SDR42E2: variants seen among roughly 807,000 people sequenced by gnomAD.
The protein encoded by SDR42E2 is short chain dehydrogenase/reductase family 42E, member 2.
In SDR42E2, 20 loss-of-function variants were observed where a neutral mutation model predicts 10.5. That is an observed-to-expected ratio of 1.90 (90% CI 1.34 to 2.77). The LOEUF (loss-of-function observed/expected upper bound fraction) is 2.77, where lower values mean the gene tolerates loss of function less well. Among genes scored for constraint, SDR42E2 ranks in the 30% most tolerant of loss-of-function variants. The pLI is 0.00. For synonymous variants in SDR42E2, 72 were observed against 39.2 expected, an observed-to-expected ratio of 1.84 and a Z score of -3.12; for missense variants, 162 against 104.2, an observed-to-expected ratio of 1.55 and a Z score of -2.42.
chr16:22,164,644 C>T lies in SDR42E2; in HGVS notation c.-36-903C>T, dbSNP rs74400249. On this transcript the variant is annotated intron_variant, in intron 1 of 12. Transcript: ENST00000602312. ...AAGCCTGCAGAGGGATTGGGCAGAACGTGTGGTACCAGCCACCCACACTAC... is the reference window on the plus strand; with the variant it reads ...AAGCCTGCAGAGGGATTGGGCAGAATGTGTGGTACCAGCCACCCACACTAC... Among the ~76,000 whole-genome samples, 1,461 of 152,288 alleles carry T rather than the reference C, an allele frequency of 9.6e-3. 24 individuals carry two copies. Among genetic ancestry groups the T allele is most frequent in the African/African-American group, 0.034 (1,401 of 41,552 alleles).
intron 4 of SDR42E2, among the ~76,000 whole-genome samples, chr16:22,169,078 T>G (rs1453020273): frequency 6.6e-6 from 1 of 152,048 alleles, no homozygotes; most frequent in African/African-American, 2.4e-5. Flanking sequence ...ACCTTACAGA[T>G]AGGGAAACTG....
intron 11 of SDR42E2, among the ~76,000 whole-genome samples, chr16:22,184,962 A>G (rs1421590143): frequency 6.6e-6 from 1 of 152,084 alleles, no homozygotes; most frequent in Non-Finnish European, 1.5e-5. Context: ...GGGAGGTCTC[A>G]TGCCAGTCAG....
chr16:22,179,886 G>C (rs561189308), intron 8 of SDR42E2, among the ~76,000 whole-genome samples: 1 of 151,996 alleles, frequency 6.6e-6, no homozygotes, highest in Non-Finnish European at 1.5e-5. Context: ...GAGGGAATTG[G>C]GCTTGTCAGG....
chr16:22,175,010 G>A (rs570746298), intron 7 of SDR42E2, among the ~76,000 whole-genome samples: 4 of 152,202 alleles, frequency 2.6e-5, no homozygotes, highest in Admixed American at 2.0e-4. Context: ...CTTCTGACTC[G>A]GCGCAGAGGT....
intron 4 of SDR42E2, among the ~76,000 whole-genome samples, chr16:22,169,068 AC>A (rs1427930361): frequency 6.6e-6 from 1 of 151,984 alleles, no homozygotes; most frequent in Non-Finnish European, 1.5e-5. Context: ...TACCATGTTC[AC>A]CTTACAGATA....
At chr16:22,177,325 A>G (rs1203032432) in intron 7 of SDR42E2, among the ~76,000 whole-genome samples, 1 of 152,072 alleles carries the variant, frequency 6.6e-6, no homozygotes, top group Non-Finnish European at 1.5e-5. Context: ...CCAACTGCTG[A>G]TTAGAAAAAG....
intron 10 of SDR42E2, among the ~76,000 whole-genome samples, chr16:22,183,810 C>T (rs1355897838): frequency 1.3e-5 from 2 of 152,052 alleles, no homozygotes; most frequent in Non-Finnish European, 2.9e-5. Flanking sequence ...TAAAAAGCTA[C>T]CTGGCGGGTG....
chr16:22,166,181 G>A, intron 2 of SDR42E2, 69 bp from the exon 3 acceptor site: 1 of 420,624 alleles, frequency 2.4e-6, no homozygotes, highest in East Asian at 3.5e-5. Context: ...CCAGAGCTAG[G>A]GCCTGGGCTC....
chr16:22,173,716 G>A (rs148725307), intron 7 of SDR42E2, among the ~76,000 whole-genome samples: 3,316 of 151,512 alleles, frequency 0.022, 129 homozygotes, highest in African/African-American at 0.076. Flanking sequence ...AATAAATTTC[G>A]TGCTATCCAA....
chr16:22,184,118 T>G (rs2046718652), intron 10 of SDR42E2, 63 bp from the exon 11 acceptor site: 2 of 399,690 alleles, frequency 5.0e-6, no homozygotes, highest in Non-Finnish European at 8.9e-6. Context: ...AGAGGGAGCA[T>G]GTGGTCTTTC....
In SDR42E2 at chr16:22,190,723, C is replaced by G; in HGVS notation, c.*330C>G. On this transcript the variant is annotated 3_prime_UTR_variant, in exon 13 of 13. Transcript: ENST00000602312. Reference sequence around the variant, plus strand: ...GCCACGTCCCTGGTCGGCCCAGACGCGTAGCCCCGAGTCTCTTTCCATGTT... The same window carrying G: ...GCCACGTCCCTGGTCGGCCCAGACGGGTAGCCCCGAGTCTCTTTCCATGTT... 6.6e-6 allele frequency: 2 copies of G among 302,558 alleles called. No homozygotes were observed. The highest frequency in any genetic ancestry group is 6.1e-6 in the Non-Finnish European group (1 of 164,644). 18.7% of individuals were successfully genotyped at this position (302,558 alleles called of 1,614,324 possible).
In SDR42E2 at chr16:22,190,177, C is replaced by G; in HGVS notation, c.1053C>G (p.Ala351=). Residue 351 remains alanine, a synonymous_variant, in exon 13 of 13, where the codon GCC becomes GCG. Coordinates refer to ENST00000602312, the MANE Select transcript of SDR42E2 (RefSeq NM_001394319.2). The part of the protein sequence containing the change: ...SVAVTHTFQI[A]KARAQLGYAP... Reference sequence around the variant, plus strand: ...CCGTGACGCACACCTTCCAGATAGCCAAGGCCCGCGCCCAGCTCGGCTACG... The same window carrying G: ...CCGTGACGCACACCTTCCAGATAGCGAAGGCCCGCGCCCAGCTCGGCTACG... 2.5e-6 allele frequency: 1 copy of G among 401,208 alleles called. No individual in the cohort carries two copies. The highest frequency in any genetic ancestry group is 4.4e-6 in the Non-Finnish European group (1 of 226,174). The allele number at this position is 401,208 out of a possible 1,614,324, so 24.9% of individuals were successfully genotyped here.
intron 7 of SDR42E2, among the ~76,000 whole-genome samples, chr16:22,177,001 G>A (rs920547958): frequency 1.7e-4 from 26 of 152,216 alleles, no homozygotes; most frequent in Admixed American, 5.2e-4. Flanking sequence ...TTCCATGTGA[G>A]GAAACCAAGG....
chr16:22,173,786 C>T (rs183937621), intron 7 of SDR42E2, among the ~76,000 whole-genome samples: 7 of 151,378 alleles, frequency 4.6e-5, no homozygotes, highest in Non-Finnish European at 8.8e-5. Context: ...CTTTGGGAGG[C>T]GGAGGTGGGT....
At chr16:22,182,309 G>A in intron 10 of SDR42E2, 32 bp downstream of exon 10, 2 of 400,860 alleles carry the variant, frequency 5.0e-6, no homozygotes, top group South Asian at 1.3e-4. Flanking sequence ...CACCCCGAAT[G>A]ATCATTCTGG....
rs535615843 is a variant in SDR42E2 at position 22,182,287 on chromosome 16, C to T, written c.876+10C>T. 5.0e-5 allele frequency: 20 copies of T among 401,314 alleles called. No homozygotes were observed. The East Asian group carries it at 6.4e-4, about 13-fold the overall frequency. 24.9% of individuals were successfully genotyped at this position (401,314 alleles called of 1,614,324 possible). Reference sequence around the variant, plus strand: ...GTGGATGGCCCCACTGGTAGGTGCACAGATGCCCACCCACCCCGAATGATC... The same window carrying T: ...GTGGATGGCCCCACTGGTAGGTGCATAGATGCCCACCCACCCCGAATGATC... On this transcript the variant is annotated intron_variant, in intron 10 of 12. Transcript: ENST00000602312.
At chr16:22,182,922 T>C (rs2046707627) in intron 10 of SDR42E2, among the ~76,000 whole-genome samples, 1 of 152,052 alleles carries the variant, frequency 6.6e-6, no homozygotes, top group African/African-American at 2.4e-5. Context: ...GGAGGATCTC[T>C]TGAGCCCAGG....
At chr16:22,177,863 G>A (rs1028987231) in intron 7 of SDR42E2, among the ~76,000 whole-genome samples, 3 of 148,846 alleles carry the variant, frequency 2.0e-5, no homozygotes, top group African/African-American at 7.5e-5. Context: ...CAATGGGAGG[G>A]CAGGGACCAT....
intron 12 of SDR42E2, among the ~76,000 whole-genome samples, chr16:22,188,094 TAA>T (rs58432279): frequency 6.5e-5 from 9 of 139,052 alleles, no homozygotes; most frequent in Admixed American, 7.2e-5. Flanking sequence ...AGACTCCATC[TAA>T]AAAAAAAAAA....
Sources: gnomAD v4.1 joint callset for allele counts (sites outside exome capture counted in the v4.1 genomes callset) on GRCh38, gnomAD v4.1.1 for gene constraint, MANE v1.5 for transcripts, NCBI Gene and HGNC (gene_info 2026-07-23, HGNC 2026-07-21) for gene names.